Variants in EPB41L4A observed in about 807,000 individuals in gnomAD.
The protein encoded by EPB41L4A is erythrocyte membrane protein band 4.1 like 4A.
EPB41L4A carries 100 observed loss-of-function variants against 108.6 expected under a neutral mutation model. The ratio of observed to expected loss-of-function variants is 0.92; its 90% CI spans 0.78 to 1.09. EPB41L4A has a LOEUF of 1.09. Among genes scored for constraint, EPB41L4A ranks in the 50% least tolerant of loss-of-function variants. The probability of loss-of-function intolerance (pLI) is 0.00; values close to 1 mark genes in which losing one functional copy is unlikely to be tolerated. For missense variants in EPB41L4A, 1,030 were observed against 842.7 expected (o/e 1.22, Z -2.75); for synonymous variants, 319 against 289.0 (o/e 1.10, Z -1.05).
At chr5:112,408,237 A>G (rs1332603039) in intron 1 of EPB41L4A, among the ~76,000 whole-genome samples, 2 of 152,204 alleles carry the variant, frequency 1.3e-5, no homozygotes, top group Non-Finnish European at 2.9e-5. Context: ...GTAAGACCTA[A>G]GGCTATTAAA....
At chr5:112,298,467 GT>G (rs1169032916) in intron 2 of EPB41L4A, among the ~76,000 whole-genome samples, 1 of 152,078 alleles carries the variant, frequency 6.6e-6, no homozygotes, top group Non-Finnish European at 1.5e-5. Context: ...TTTTAATTCT[GT>G]TTATGTGATG....
In EPB41L4A at chr5:112,207,677, C is replaced by G. The variant is rs184945462; in HGVS notation, c.1179-2173G>C. On this transcript the variant is annotated intron_variant, in intron 13 of 22. Transcript: ENST00000261486. ...ACCAACAAATACATGAAAAAATGCT[C>G]AACATCATTAATCATTCGAAAAAAG... Among the ~76,000 whole-genome samples, 167 of 152,206 alleles carry G rather than the reference C, an allele frequency of 1.1e-3. 3 individuals are homozygous for G. The highest frequency in any genetic ancestry group is 0.011 in the Admixed American group (166 of 15,280).
At chr5:112,273,314 G>C (rs1489521057) in intron 4 of EPB41L4A, among the ~76,000 whole-genome samples, 1 of 152,158 alleles carries the variant, frequency 6.6e-6, no homozygotes, top group Non-Finnish European at 1.5e-5. Flanking sequence ...ACAACTGGTT[G>C]TACTGAAAAT....
At chr5:112,274,682 C>A (rs544240184) in intron 4 of EPB41L4A, among the ~76,000 whole-genome samples, 1 of 152,280 alleles carries the variant, frequency 6.6e-6, no homozygotes, top group African/African-American at 2.4e-5. Flanking sequence ...GCAGCTAGGT[C>A]ACCAGCAGAA....
chr5:112,285,520 G>A (rs1369870320), intron 2 of EPB41L4A, among the ~76,000 whole-genome samples: 1 of 152,148 alleles, frequency 6.6e-6, no homozygotes, highest in Non-Finnish European at 1.5e-5. Context: ...TCCTTCATAT[G>A]AGTCACAGAA....
chr5:112,361,717 AAT>A (rs2112483094), intron 1 of EPB41L4A, among the ~76,000 whole-genome samples: 1 of 29,454 alleles, frequency 3.4e-5, no homozygotes, highest in African/African-American at 7.9e-5. Context: ...AAAAAATAAT[AAT>A]AATAATAATA....
chr5:112,345,768 CATATAT>C (rs113557925), intron 1 of EPB41L4A, among the ~76,000 whole-genome samples: 1 of 119,170 alleles, frequency 8.4e-6, no homozygotes, highest in African/African-American at 3.6e-5. Context: ...TATATATATA[CATATAT>C]ATATATACAC....
At position 112,164,957 on chromosome 5, in the gene EPB41L4A, C is replaced by T. The variant is rs1365646202; in HGVS notation, c.*33G>A. ...CAAAAGTACCAGTGGCGCACACAAC[C>T]TTCCCACCCCTACCCTTGACCCTTC... is the stretch of plus-strand genomic sequence containing the variant. On this transcript the variant is annotated 3_prime_UTR_variant, in exon 23 of 23. Transcript: ENST00000261486. The T allele has an allele frequency of 6.4e-7, 1 of 1,566,840 alleles. No individual in the cohort carries two copies. The highest frequency in any genetic ancestry group is 2.0e-5 in the Admixed American group (1 of 50,884).
chr5:112,256,348 T>A (rs1461878061), intron 9 of EPB41L4A, among the ~76,000 whole-genome samples: 1 of 152,186 alleles, frequency 6.6e-6, no homozygotes, highest in African/African-American at 2.4e-5. Context: ...AGTACTCTTC[T>A]AGAAGTTCGG....
intron 2 of EPB41L4A, among the ~76,000 whole-genome samples, chr5:112,302,652 C>T (rs1051600511): frequency 1.3e-5 from 2 of 152,126 alleles, no homozygotes; most frequent in African/African-American, 4.8e-5. Flanking sequence ...ACACAGCTCT[C>T]CAGGTAGACT....
chr5:112,314,900 A>T (rs1398477372), intron 1 of EPB41L4A, among the ~76,000 whole-genome samples: 1 of 152,236 alleles, frequency 6.6e-6, no homozygotes, highest in African/African-American at 2.4e-5. Flanking sequence ...AAGATGCCAC[A>T]AAATAAGGTA....
At chr5:112,336,145 C>T (rs1756899187) in intron 1 of EPB41L4A, among the ~76,000 whole-genome samples, 1 of 152,086 alleles carries the variant, frequency 6.6e-6, no homozygotes, top group Admixed American at 6.5e-5. Context: ...AGTGAAGGCA[C>T]AAAGGAGTAT....
intron 12 of EPB41L4A, among the ~76,000 whole-genome samples, chr5:112,211,041 T>C (rs965942134): frequency 6.6e-6 from 1 of 152,162 alleles, no homozygotes; most frequent in Non-Finnish European, 1.5e-5. Context: ...GCGCTTCACA[T>C]CTATTTACTC....
At chr5:112,386,558 T>C (rs116070558) in intron 1 of EPB41L4A, among the ~76,000 whole-genome samples, 2,765 of 152,318 alleles carry the variant, frequency 0.018, 84 homozygotes, top group African/African-American at 0.062. Flanking sequence ...CAAAATATTA[T>C]TGGATGTAAC....
chr5:112,217,320 A>G (rs1244962339), intron 12 of EPB41L4A, among the ~76,000 whole-genome samples: 1 of 152,214 alleles, frequency 6.6e-6, no homozygotes, highest in African/African-American at 2.4e-5. Flanking sequence ...CATAATTTGG[A>G]AAATAAAGAT....
chr5:112,291,535 G>T (rs1753643751), intron 2 of EPB41L4A, among the ~76,000 whole-genome samples: 1 of 152,166 alleles, frequency 6.6e-6, no homozygotes, highest in African/African-American at 2.4e-5. Context: ...TCTCTCTCCT[G>T]CCCTCCTTTC....
rs574689587 is a variant in EPB41L4A, at chr5:112,148,608, C to T, written n.995-2610G>A. ...CAAAAGGGAAGAAAAGTCTCTGTTACTTCATCATTCATTGTAACCAGTTTC... is the reference window on the plus strand; with the variant it reads ...CAAAAGGGAAGAAAAGTCTCTGTTATTTCATCATTCATTGTAACCAGTTTC... On this transcript the variant is annotated intron_variant and non_coding_transcript_variant, in intron 12 of 13. Coordinates refer to the EPB41L4A transcript ENST00000507810. Among the ~76,000 whole-genome samples the T allele has an allele frequency of 3.9e-5, 6 of 152,138 alleles. No individual in the cohort carries two copies. In the South Asian group the frequency reaches 1.0e-3, roughly 26 times the overall value.
Position 112,176,466 on chromosome 5 carries a change from C to T in EPB41L4A, c.1623-5474G>A, listed in dbSNP as rs868444026. On this transcript the variant is annotated intron_variant, in intron 18 of 22. Transcript: ENST00000261486. ...AAGAGAAATCTTGATTCTCTCCCCCCCAAAACATTCCTGGCCCATCCCTTC... is the reference window on the plus strand; with the variant it reads ...AAGAGAAATCTTGATTCTCTCCCCCTCAAAACATTCCTGGCCCATCCCTTC... Among the ~76,000 whole-genome samples, 11 of 152,092 alleles carry T rather than the reference C, an allele frequency of 7.2e-5. No homozygotes were observed. The South Asian group carries it at 1.2e-3, about 17-fold the overall frequency.
chr5:112,234,689 C>T lies in EPB41L4A; in HGVS notation c.1032G>A (p.Val344=). The change falls in exon 12 of 23, where the codon GTG becomes GTA. Residue 344 remains valine, a synonymous_variant. Coordinates refer to ENST00000261486, the MANE Select transcript of EPB41L4A (RefSeq NM_022140.5). ...SIQLPRPDQN[V]TRSRSKTYPK... The stretch of plus-strand genomic sequence containing the variant: ...GGTAAGTCTTGCTTCGACTTCTTGT[C>T]ACATTCTGATCAGGCCGGGGAAGCT... 1 of 1,613,736 alleles carries T rather than the reference C, an allele frequency of 6.2e-7. No individual in the cohort carries two copies. Among genetic ancestry groups the T allele is most frequent in the Non-Finnish European group, 8.5e-7 (1 of 1,179,752 alleles).
Sources: gnomAD v4.1 joint callset for allele counts (sites outside exome capture counted in the v4.1 genomes callset) on GRCh38, gnomAD v4.1.1 for gene constraint, MANE v1.5 for transcripts, NCBI Gene and HGNC (gene_info 2026-07-23, HGNC 2026-07-21) for gene names.